Variants in PCDHA8 observed in about 807,000 individuals in gnomAD.
PCDHA8 encodes the protein protocadherin alpha 8.
In PCDHA8, 53 loss-of-function variants were observed where a neutral mutation model predicts 61.8. That is an observed-to-expected ratio of 0.86 (90% CI 0.69 to 1.08). The LOEUF is 1.08. PCDHA8 is among the 50% of genes least tolerant of loss of function. The pLI, the probability that PCDHA8 is intolerant of heterozygous loss-of-function variation, is 0.00. For missense variants in PCDHA8, 1,293 were observed against 1,245.0 expected, an observed-to-expected ratio of 1.04 and a Z score of -0.58; for synonymous variants, 618 against 556.6, an observed-to-expected ratio of 1.11 and a Z score of -1.55.
chr5:140,887,728 C>T (rs1313632263), intron 1 of PCDHA8, among the ~76,000 whole-genome samples: 1 of 151,970 alleles, frequency 6.6e-6, no homozygotes, highest in Non-Finnish European at 1.5e-5. Context: ...TTTTTCTTTC[C>T]TTCCATCCTT....
chr5:140,842,747 A>G lies in PCDHA8; in HGVS notation c.1426A>G (p.Thr476Ala), dbSNP rs2150343510. 1 of 1,594,914 alleles carries G rather than the reference A, an allele frequency of 6.3e-7. No individual in the cohort carries two copies. Among genetic ancestry groups the G allele is most frequent in the Admixed American group, 1.7e-5 (1 of 59,302 alleles). The change falls in exon 1 of 4, where the codon ACG becomes GCG. Residue 476 changes from threonine (T) to alanine (A), a missense_variant. Coordinates refer to ENST00000531613, the MANE Select transcript of PCDHA8 (RefSeq NM_018911.3). ...CAACCCGCCGGGCTGCCACATCTTC[A>G]CGGTGTCTGCGCGAGACGCGGACGC... The part of the protein sequence containing the change: ...ENNPPGCHIF[T>A]VSARDADAQE...
At position 140,905,743 on chromosome 5, in the gene PCDHA8, C is replaced by G. The variant is rs550937383; in HGVS notation, c.2394+62028C>G. On this transcript the variant is annotated intron_variant, in intron 1 of 3. Coordinates refer to ENST00000531613, the MANE Select transcript of PCDHA8 (RefSeq NM_018911.3). ...GTTTTGTAGTTTTCCTTGTAGAGAT[C>G]TTTCACCTCCTTGGTTAAGTATATT... Among the ~76,000 whole-genome samples, 7 of 152,232 alleles carry G rather than the reference C, an allele frequency of 4.6e-5. No individual in the cohort carries two copies. In the South Asian group the frequency reaches 1.0e-3, roughly 23 times the overall value.
In PCDHA8 at chr5:140,841,685, G is replaced by A. The variant is rs1332759626; in HGVS notation, c.364G>A (p.Glu122Lys). ...RPLQVFHVDV[E>K]VKDVNDNPPV... ...GCTGCAGGTTTTCCATGTGGACGTG[G>A]AGGTGAAGGATGTTAATGACAACCC... The change falls in exon 1 of 4, where the codon GAG becomes AAG. Residue 122 changes from glutamate to lysine, a missense_variant. By Grantham distance (56) the Glu-to-Lys change is moderately conservative. Transcript: ENST00000531613. 1.9e-6 allele frequency: 3 copies of A among 1,613,960 alleles called. No individual in the cohort carries two copies. The Admixed American group carries it at 5.0e-5, about 27-fold the overall frequency.
intron 1 of PCDHA8, among the ~76,000 whole-genome samples, chr5:140,942,047 T>C (rs2093223138): frequency 6.6e-6 from 1 of 152,228 alleles, no homozygotes; most frequent in African/African-American, 2.4e-5. Context: ...TGGTCTATTA[T>C]GAAATGTTTG....
chr5:140,942,713 T>C (rs2093359728), intron 1 of PCDHA8, among the ~76,000 whole-genome samples: 2 of 152,208 alleles, frequency 1.3e-5, no homozygotes, highest in Non-Finnish European at 1.5e-5. Flanking sequence ...AGTAAAAGTA[T>C]GAAATTTTGT....
chr5:140,966,561 G>C (rs2153747879), intron 1 of PCDHA8: 1 of 488,962 alleles, frequency 2.0e-6, no homozygotes, highest in Non-Finnish European at 3.4e-6. Context: ...GGAGGAGCTG[G>C]AATATGGGGA....
At chr5:140,908,794 C>T (rs1554193480) in intron 1 of PCDHA8, among the ~76,000 whole-genome samples, 1 of 152,142 alleles carries the variant, frequency 6.6e-6, no homozygotes, top group African/African-American at 2.4e-5. Context: ...TTCTGTACTA[C>T]ATTAAAAAGT....
At chr5:140,849,862 C>G in intron 1 of PCDHA8, 1 of 1,598,598 alleles carries the variant, frequency 6.3e-7, no homozygotes, top group Non-Finnish European at 8.6e-7. Flanking sequence ...CCAGCGTTCG[C>G]GCAGTCCGAG....
intron 1 of PCDHA8, among the ~76,000 whole-genome samples, chr5:140,933,464 A>G (rs1257783133): frequency 1.3e-5 from 2 of 152,074 alleles, no homozygotes; most frequent in African/African-American, 4.8e-5. Flanking sequence ...TATACTCTGA[A>G]TTCAAACACA....
chr5:140,985,955 G>A (rs1284756138), intron 3 of PCDHA8, among the ~76,000 whole-genome samples: 1 of 151,674 alleles, frequency 6.6e-6, no homozygotes, highest in Non-Finnish European at 1.5e-5. Flanking sequence ...TAGCCAGGAT[G>A]GTCTCAATCT....
chr5:140,909,491 A>G (rs1031839388), intron 1 of PCDHA8, among the ~76,000 whole-genome samples: 5 of 152,218 alleles, frequency 3.3e-5, no homozygotes, highest in Non-Finnish European at 7.3e-5. Context: ...GGAGAGCTGA[A>G]CGGGGATGTG....
chr5:140,895,892 A>T (rs1554186717), intron 1 of PCDHA8, among the ~76,000 whole-genome samples: 1 of 152,080 alleles, frequency 6.6e-6, no homozygotes, highest in Non-Finnish European at 1.5e-5. Flanking sequence ...GCTCACTGCA[A>T]CCTCCGCGTC....
chr5:140,868,857 T>A (rs2050685848), intron 1 of PCDHA8: 1 of 499,740 alleles, frequency 2.0e-6, no homozygotes, highest in Admixed American at 3.8e-5. Context: ...TCTGTGGTGG[T>A]AAATGCAGTG....
chr5:140,967,140 C>T (rs781814682), intron 1 of PCDHA8: 4 of 1,611,022 alleles, frequency 2.5e-6, no homozygotes, highest in East Asian at 2.2e-5. Flanking sequence ...GAAGTGCTGG[C>T]GCACAACCCC....
chr5:140,967,633 T>G, intron 1 of PCDHA8: 2 of 1,614,106 alleles, frequency 1.2e-6, no homozygotes, highest in Non-Finnish European at 1.7e-6. Flanking sequence ...AGGGCTCCAA[T>G]GGTGAGCTCA....
rs782421802 is a variant in PCDHA8, at chr5:140,862,804, C to T, written c.2394+19089C>T. The T allele has an allele frequency of 7.0e-6, 4 of 574,030 alleles. No individual in the cohort carries two copies. The African/African-American group carries it at 7.9e-5, about 11-fold the overall frequency. The allele number at this position is 574,030 out of a possible 1,614,324, so 35.6% of individuals were successfully genotyped here. On this transcript the variant is annotated intron_variant, in intron 1 of 3. Coordinates refer to ENST00000531613, the MANE Select transcript of PCDHA8 (RefSeq NM_018911.3). ...ACTGGACTACGAGGAGCTGGAGCTG[C>T]TGCAGTTCTAGGTGAGAGCGCGCGA...
rs2153691387 is a variant in PCDHA8, at chr5:140,951,014, G to C, written c.2395-27935G>C. Among the ~76,000 whole-genome samples the C allele has an allele frequency of 1.3e-5, 2 of 151,872 alleles. 1 individual carries two copies. Among genetic ancestry groups the C allele is most frequent in the Middle Eastern group, 6.8e-3 (2 of 294 alleles). On this transcript the variant is annotated intron_variant, in intron 1 of 3. Coordinates refer to ENST00000531613, the MANE Select transcript of PCDHA8 (RefSeq NM_018911.3). The stretch of plus-strand genomic sequence containing the variant: ...TTAGCTCCATTTTTCCCAAGATCAG[G>C]CAGTGAGTTTTAATTTCAAATATTA...
At chr5:140,920,959 T>G (rs2079949518) in intron 1 of PCDHA8, among the ~76,000 whole-genome samples, 1 of 152,072 alleles carries the variant, frequency 6.6e-6, no homozygotes, top group Non-Finnish European at 1.5e-5. Flanking sequence ...ACTACACATG[T>G]AGTACTAGAG....
chr5:141,005,263 A>T (rs1223276392), intron 3 of PCDHA8, among the ~76,000 whole-genome samples: 2 of 152,198 alleles, frequency 1.3e-5, no homozygotes, highest in Admixed American at 1.3e-4. Context: ...GGCACTGGTG[A>T]TACATTGGTG....
Sources: gnomAD v4.1 joint callset for allele counts (sites outside exome capture counted in the v4.1 genomes callset) on GRCh38, gnomAD v4.1.1 for gene constraint, MANE v1.5 for transcripts, NCBI Gene and HGNC (gene_info 2026-07-23, HGNC 2026-07-21) for gene names.